The following GIN1 variants were observed in gnomAD, a reference collection of about 807,000 sequenced individuals.
GIN1 encodes the protein gypsy retrotransposon integrase-like protein 1.
A neutral mutation model predicts 51.4 loss-of-function variants in GIN1; 41 were observed. The ratio of observed to expected loss-of-function variants is 0.80; its 90% CI spans 0.62 to 1.04. The LOEUF is 1.04. GIN1 is among the 50% of genes least tolerant of loss of function. GIN1 has a pLI of 0.00. For missense variants in GIN1, 610 were observed against 612.4 expected (o/e 1.00, Z 0.04); for synonymous variants, 222 against 206.5 (o/e 1.07, Z -0.64).
At chr5:103,114,255 GA>G (rs1409685832) in intron 1 of GIN1, among the ~76,000 whole-genome samples, 1 of 152,200 alleles carries the variant, frequency 6.6e-6, no homozygotes, top group Non-Finnish European at 1.5e-5. Flanking sequence ...CACCAATATG[GA>G]ATAGAGATTG....
intron 1 of GIN1, among the ~76,000 whole-genome samples, chr5:103,110,292 A>C (rs994202368): frequency 2.6e-5 from 4 of 152,166 alleles, no homozygotes. Flanking sequence ...ACCATTAAGA[A>C]AGTGAAAACA....
intron 1 of GIN1, among the ~76,000 whole-genome samples, chr5:103,116,203 T>C (rs192385584): frequency 1.3e-5 from 2 of 152,232 alleles, no homozygotes; most frequent in African/African-American, 4.8e-5. Flanking sequence ...ATGAATATAG[T>C]TGAAGAATTT....
chr5:103,111,563 G>A (rs537654017), intron 1 of GIN1, among the ~76,000 whole-genome samples: 183 of 152,066 alleles, frequency 1.2e-3, no homozygotes, highest in Non-Finnish European at 1.2e-3. Flanking sequence ...ACTCCTGAAG[G>A]ACCTTAAAAA....
intron 3 of GIN1, among the ~76,000 whole-genome samples, chr5:103,105,689 T>G (rs1787704579): frequency 6.6e-6 from 1 of 152,192 alleles, no homozygotes; most frequent in South Asian, 2.1e-4. Context: ...ATCTCTGGAA[T>G]TCCACTCTAG....
chr5:103,089,752 A>G (rs1352227608), intron 7 of GIN1, among the ~76,000 whole-genome samples: 3 of 152,230 alleles, frequency 2.0e-5, no homozygotes, highest in African/African-American at 7.2e-5. Flanking sequence ...GTCTCAGAAC[A>G]GATGAATTTG....
At chr5:103,102,644 G>C (rs1787606112) in intron 4 of GIN1, 1 of 152,186 alleles carries the variant, frequency 6.6e-6, no homozygotes, top group Non-Finnish European at 1.5e-5. Flanking sequence ...GGGTGCGGTA[G>C]CTCACGCCAG....
At chr5:103,095,482 A>G (rs1445154715) in intron 7 of GIN1, among the ~76,000 whole-genome samples, 2 of 152,192 alleles carry the variant, frequency 1.3e-5, no homozygotes, top group African/African-American at 2.4e-5. Context: ...ACCATGACCT[A>G]ACTATAAAGC....
chr5:103,119,703 G>T (rs1201295887), intron 1 of GIN1, among the ~76,000 whole-genome samples: 1 of 152,156 alleles, frequency 6.6e-6, no homozygotes, highest in Non-Finnish European at 1.5e-5. Context: ...AAAGTGCTTA[G>T]TCTCAAACGC....
chr5:103,097,110 T>C (rs1040800973), intron 6 of GIN1, among the ~76,000 whole-genome samples: 3 of 152,352 alleles, frequency 2.0e-5, no homozygotes, highest in Middle Eastern at 3.4e-3. Flanking sequence ...CCAAAATCCA[T>C]AGCTTTCTCA....
chr5:103,091,499 GTATT>G (rs1369032871), intron 7 of GIN1, among the ~76,000 whole-genome samples: 1 of 152,090 alleles, frequency 6.6e-6, no homozygotes, highest in Non-Finnish European at 1.5e-5. Flanking sequence ...ATTTCACTAA[GTATT>G]TATCTTTTCT....
chr5:103,087,765 T>A lies in GIN1; in HGVS notation c.*133A>T. 1.9e-6 allele frequency: 1 copy of A among 519,728 alleles called. No homozygotes were observed. Among genetic ancestry groups the A allele is most frequent in the Non-Finnish European group, 3.4e-6 (1 of 297,392 alleles). The allele number at this position is 519,728 out of a possible 1,614,324, so 32.2% of individuals were successfully genotyped here. A position where few individuals can be genotyped will look rare whatever the true frequency, so the allele number is the denominator to read the frequency against. The stretch of plus-strand genomic sequence containing the variant: ...ATGTGGCATAATTTTAGATAAGAAC[T>A]ATAAAATAAACCTTCAGAATATAGT... On this transcript the variant is annotated 3_prime_UTR_variant, in exon 8 of 8. Transcript: ENST00000399004.
chr5:103,107,024 C>G, intron 2 of GIN1, 115 bp from the exon 3 acceptor site: 1 of 592,804 alleles, frequency 1.7e-6, no homozygotes, highest in Non-Finnish European at 2.9e-6. Context: ...TTTGTAAAAT[C>G]TTACTGCATT....
intron 4 of GIN1, among the ~76,000 whole-genome samples, chr5:103,099,913 AGT>A (rs1255961137): frequency 6.6e-6 from 1 of 152,138 alleles, no homozygotes; most frequent in East Asian, 1.9e-4. Flanking sequence ...AATATTTAGC[AGT>A]GTTTTCTGCA....
At chr5:103,110,063 C>T (rs1381495711) in intron 1 of GIN1, among the ~76,000 whole-genome samples, 2 of 152,012 alleles carry the variant, frequency 1.3e-5, no homozygotes, top group Non-Finnish European at 2.9e-5. Context: ...AACTACCTAC[C>T]TCACATCTTA....
At chr5:103,090,900 AACACAC>A (rs3836842) in intron 7 of GIN1, among the ~76,000 whole-genome samples, 7 of 148,268 alleles carry the variant, frequency 4.7e-5, no homozygotes, top group Non-Finnish European at 7.5e-5. Flanking sequence ...GTCACACACG[AACACAC>A]ACACACACAC....
At chr5:103,092,547 G>C (rs532079106) in intron 7 of GIN1, among the ~76,000 whole-genome samples, 1 of 152,100 alleles carries the variant, frequency 6.6e-6, no homozygotes, top group South Asian at 2.1e-4. Context: ...TGCCATACTA[G>C]TATATCCTTT....
intron 7 of GIN1, among the ~76,000 whole-genome samples, chr5:103,093,076 G>GTGCTT (rs1787300569): frequency 6.6e-6 from 1 of 151,660 alleles, no homozygotes; most frequent in Non-Finnish European, 1.5e-5. Context: ...TATAGGGACT[G>GTGCTT]TGCTTTGCTT....
rs1787066876 is a variant in GIN1 at position 103,086,029 on chromosome 5, A to C, written c.*1869T>G. On this transcript the variant is annotated 3_prime_UTR_variant, in exon 8 of 8. Coordinates refer to ENST00000399004, the MANE Select transcript of GIN1 (RefSeq NM_017676.2). ...TGAAACAATAGAATTTTATTGTCTC[A>C]CAGTTCTGGAGGCAAAAGTCTGAGA... The C allele has an allele frequency of 6.6e-6, 1 of 152,144 alleles. No homozygotes were observed. The highest frequency in any genetic ancestry group is 6.5e-5 in the Admixed American group (1 of 15,280). The allele number at this position is 152,144 out of a possible 1,614,324, so 9.4% of individuals were successfully genotyped here. A position where few individuals can be genotyped will look rare whatever the true frequency, so the allele number is the denominator to read the frequency against.
rs1554195219 is a variant in GIN1 at position 103,097,407 on chromosome 5, C to G, written c.915G>C (p.Val305=). ...MPETSDSLHE[V]DGDNTSMFAK... ...CAAACATACTTGTATTATCACCATC[C>G]ACTTCATGAAGACTATCTGAAGTCT... Residue 305 remains valine, a synonymous_variant, in exon 6 of 8, where the codon GTG becomes GTC. Coordinates refer to ENST00000399004, the MANE Select transcript of GIN1 (RefSeq NM_017676.2). 1 of 1,566,498 alleles carries G rather than the reference C, an allele frequency of 6.4e-7. No homozygotes were observed. The highest frequency in any genetic ancestry group is 1.1e-5 in the South Asian group (1 of 89,826).
Sources: gnomAD v4.1 joint callset for allele counts (sites outside exome capture counted in the v4.1 genomes callset) on GRCh38, gnomAD v4.1.1 for gene constraint, MANE v1.5 for transcripts, NCBI Gene and HGNC (gene_info 2026-07-23, HGNC 2026-07-21) for gene names.